Variants in CTNNA2 observed in about 807,000 individuals in gnomAD.
The protein encoded by CTNNA2 is catenin alpha-2.
CTNNA2 carries 42 observed loss-of-function variants against 101.0 expected under a neutral mutation model. That is an observed-to-expected ratio of 0.42 (90% CI 0.32 to 0.54). The LOEUF (loss-of-function observed/expected upper bound fraction) is 0.54, where lower values mean the gene tolerates loss of function less well. Ranked by LOEUF, CTNNA2 falls within the 20% of genes least tolerant of loss-of-function variation. The pLI is 0.14. For missense variants in CTNNA2, 871 were observed against 1,223.1 expected, an observed-to-expected ratio of 0.71 and a Z score of 4.29; for synonymous variants, 450 against 456.4, an observed-to-expected ratio of 0.99 and a Z score of 0.18.
chr2:79,482,011 C>T (rs1573186582), intron 4 of CTNNA2, among the ~76,000 whole-genome samples: 2 of 152,158 alleles, frequency 1.3e-5, no homozygotes, highest in Admixed American at 1.3e-4. Context: ...TACTTTTGGT[C>T]AGCTGAGCTG....
intron 4 of CTNNA2, among the ~76,000 whole-genome samples, chr2:79,391,482 G>T (rs1678170997): frequency 1.3e-5 from 2 of 152,186 alleles, no homozygotes; most frequent in Non-Finnish European, 2.9e-5. Context: ...TTAATGGACT[G>T]CTTATGTTAT....
chr2:79,824,045 A>C (rs764629372), intron 3 of CTNNA2, among the ~76,000 whole-genome samples: 1 of 152,222 alleles, frequency 6.6e-6, no homozygotes, highest in Non-Finnish European at 1.5e-5. Context: ...AGGAAATGAG[A>C]TGAGATCTTG....
intron 3 of CTNNA2, among the ~76,000 whole-genome samples, chr2:79,368,432 C>A (rs1677797256): frequency 6.6e-6 from 1 of 152,200 alleles, no homozygotes; most frequent in Admixed American, 6.5e-5. Flanking sequence ...ACAGTGTCAC[C>A]ACATCCTGTC....
At chr2:79,399,595 G>A (rs956131794) in intron 4 of CTNNA2, among the ~76,000 whole-genome samples, 7 of 151,918 alleles carry the variant, frequency 4.6e-5, no homozygotes, top group Non-Finnish European at 7.4e-5. Flanking sequence ...GTCAATAAAC[G>A]AACAAACAGC....
At chr2:79,806,205 A>C (rs1676560738) in intron 3 of CTNNA2, among the ~76,000 whole-genome samples, 1 of 135,772 alleles carries the variant, frequency 7.4e-6, no homozygotes. Flanking sequence ...CATTAGGGCT[A>C]TGCACCCATT....
chr2:79,321,754 T>C (rs1676628717), intron 3 of CTNNA2, among the ~76,000 whole-genome samples: 3 of 152,102 alleles, frequency 2.0e-5, no homozygotes. Context: ...TGCAGGTCTT[T>C]GGAGTCAACC....
intron 7 of CTNNA2, among the ~76,000 whole-genome samples, chr2:80,377,682 G>C (rs566453889): frequency 1.3e-5 from 2 of 152,266 alleles, no homozygotes; most frequent in East Asian, 3.9e-4. Flanking sequence ...CAAAGCATCC[G>C]TCTTTCCCCA....
At chr2:79,660,616 T>C (rs968756820) in intron 2 of CTNNA2, among the ~76,000 whole-genome samples, 1 of 152,184 alleles carries the variant, frequency 6.6e-6, no homozygotes. Context: ...ATTGAGGTCC[T>C]CTGGTAGTTT....
At chr2:79,898,427 G>T (rs1684859587) in intron 6 of CTNNA2, among the ~76,000 whole-genome samples, 1 of 152,030 alleles carries the variant, frequency 6.6e-6, no homozygotes, top group African/African-American at 2.4e-5. Flanking sequence ...GAGCCACTGT[G>T]CCCGGCCGGT....
intron 3 of CTNNA2, among the ~76,000 whole-genome samples, chr2:79,839,989 A>G (rs114262973): frequency 0.012 from 1,891 of 152,292 alleles, 37 homozygotes; most frequent in African/African-American, 0.043. Flanking sequence ...TCCTTTGGCT[A>G]AGGCCACTAA....
At chr2:80,317,363 C>T (rs573808405) in intron 7 of CTNNA2, among the ~76,000 whole-genome samples, 80 of 152,258 alleles carry the variant, frequency 5.3e-4, no homozygotes, top group Middle Eastern at 3.4e-3. Flanking sequence ...CATCAAAATT[C>T]TGTGAGATCC....
At chr2:80,093,677 A>G (rs1231123159) in intron 7 of CTNNA2, among the ~76,000 whole-genome samples, 1 of 146,022 alleles carries the variant, frequency 6.8e-6, no homozygotes, top group East Asian at 2.0e-4. Context: ...TTTTTTCCTG[A>G]CTTTTTAATG....
chr2:79,345,378 G>A (rs1677239249), intron 3 of CTNNA2, among the ~76,000 whole-genome samples: 1 of 152,066 alleles, frequency 6.6e-6, no homozygotes, highest in Admixed American at 6.5e-5. Context: ...TTCTCTCATA[G>A]GCTACATTGA....
At chr2:80,596,135 G>C (rs540697144) in intron 15 of CTNNA2, among the ~76,000 whole-genome samples, 15 of 151,924 alleles carry the variant, frequency 9.9e-5, no homozygotes, top group Admixed American at 4.6e-4. Flanking sequence ...ATTGTGAATG[G>C]AAGTTCACTC....
chr2:80,333,729 A>C (rs1055656707), intron 7 of CTNNA2, among the ~76,000 whole-genome samples: 9 of 152,056 alleles, frequency 5.9e-5, no homozygotes, highest in Admixed American at 5.9e-4. Context: ...GGATTCAACA[A>C]TTCTCCTGCC....
intron 9 of CTNNA2, among the ~76,000 whole-genome samples, chr2:80,441,630 A>G (rs147225782): frequency 9.9e-5 from 15 of 152,196 alleles, no homozygotes; most frequent in Admixed American, 8.5e-4. Context: ...TTGCAACTCC[A>G]AGATATTAGG....
At chr2:79,830,669 G>C (rs993131403) in intron 3 of CTNNA2, among the ~76,000 whole-genome samples, 4 of 152,134 alleles carry the variant, frequency 2.6e-5, no homozygotes, top group Non-Finnish European at 5.9e-5. Context: ...CTGACAAGCT[G>C]GTCTAGCAGC....
chr2:80,054,468 T>G (rs865858178), intron 7 of CTNNA2, among the ~76,000 whole-genome samples: 1 of 152,204 alleles, frequency 6.6e-6, no homozygotes. Context: ...TGTACACTCA[T>G]GCCTTTGGCA....
At chr2:80,078,758 T>G (rs1200388200) in intron 7 of CTNNA2, among the ~76,000 whole-genome samples, 1 of 152,222 alleles carries the variant, frequency 6.6e-6, no homozygotes, top group African/African-American at 2.4e-5. Context: ...TGTGTATTTG[T>G]TTGTTTCATT....
Sources: allele counts gnomAD v4.1 joint callset (sites outside exome capture counted in the v4.1 genomes callset), GRCh38; gene constraint gnomAD v4.1.1; transcripts MANE v1.5; gene names NCBI Gene and HGNC (gene_info 2026-07-23, HGNC 2026-07-21).